The following CFAP61 variants were observed in gnomAD, a reference collection of about 807,000 sequenced individuals.
CFAP61 encodes cilia- and flagella-associated protein 61.
Under a neutral mutation model 135.6 loss-of-function variants are expected in CFAP61, and 107 were observed. That is an observed-to-expected ratio of 0.79 (90% CI 0.67 to 0.93). The LOEUF is 0.93. Among genes scored for constraint, CFAP61 ranks in the 40% least tolerant of loss-of-function variants. CFAP61 has a pLI of 0.00. For missense variants in CFAP61, 1,507 were observed against 1,556.2 expected, an observed-to-expected ratio of 0.97 and a Z score of 0.53; for synonymous variants, 575 against 578.5, an observed-to-expected ratio of 0.99 and a Z score of 0.09.
intron 18 of CFAP61, among the ~76,000 whole-genome samples, chr20:20,238,856 T>C (rs947839922): frequency 6.6e-6 from 1 of 152,204 alleles, no homozygotes; most frequent in African/African-American, 2.4e-5. Context: ...TGTTCCTCCC[T>C]TTGTATCCAC....
intron 21 of CFAP61, among the ~76,000 whole-genome samples, chr20:20,266,119 C>T (rs914493672): frequency 6.6e-6 from 1 of 152,204 alleles, no homozygotes; most frequent in East Asian, 1.9e-4. Flanking sequence ...AAACCATTGG[C>T]TTCTCTGGCA....
intron 24 of CFAP61, among the ~76,000 whole-genome samples, chr20:20,296,894 C>A (rs1330677365): frequency 6.6e-6 from 1 of 152,078 alleles, no homozygotes; most frequent in Non-Finnish European, 1.5e-5. Context: ...TTTTGGATAA[C>A]ATCTTAATAA....
At chr20:20,059,052 C>T (rs771327472) in intron 2 of CFAP61, among the ~76,000 whole-genome samples, 9 of 151,972 alleles carry the variant, frequency 5.9e-5, no homozygotes, top group Non-Finnish European at 1.2e-4. Context: ...TAAAGAAGGC[C>T]GGACACAGTG....
chr20:20,069,799 A>G (rs2146564774), intron 2 of CFAP61: 1 of 455,154 alleles, frequency 2.2e-6, no homozygotes, highest in East Asian at 7.0e-5. Context: ...TAAAAACATA[A>G]CTGGAAAGCC....
intron 17 of CFAP61, among the ~76,000 whole-genome samples, chr20:20,224,394 G>A (rs2048591128): frequency 6.6e-6 from 1 of 152,030 alleles, no homozygotes; most frequent in Non-Finnish European, 1.5e-5. Flanking sequence ...TTTCCTAACA[G>A]GAGTATCAAA....
intron 17 of CFAP61, among the ~76,000 whole-genome samples, chr20:20,218,439 G>C (rs1318068184): frequency 6.6e-6 from 1 of 152,128 alleles, no homozygotes; most frequent in Non-Finnish European, 1.5e-5. Flanking sequence ...TCTTTTATAA[G>C]TTACCCAGTC....
chr20:20,188,075 C>A lies in CFAP61; in HGVS notation c.1512+19C>A. On this transcript the variant is annotated intron_variant, in intron 14 of 26. Transcript: ENST00000245957. ...AGACCCTGTAAGTACCTGTTGTGAC[C>A]AGACCTCAGGATATGGGACCATTAT... 1 of 1,613,594 alleles carries A rather than the reference C, an allele frequency of 6.2e-7. No individual in the cohort carries two copies. The highest frequency in any genetic ancestry group is 8.5e-7 in the Non-Finnish European group (1 of 1,179,694).
intron 21 of CFAP61, among the ~76,000 whole-genome samples, chr20:20,273,041 A>T (rs1007558354): frequency 3.1e-5 from 4 of 127,358 alleles, no homozygotes; most frequent in Non-Finnish European, 6.5e-5. Flanking sequence ...GCCATGCTTA[A>T]TTTTTTTTTT....
intron 8 of CFAP61, among the ~76,000 whole-genome samples, chr20:20,109,561 T>C (rs2048653714): frequency 6.6e-6 from 1 of 152,152 alleles, no homozygotes; most frequent in African/African-American, 2.4e-5. Flanking sequence ...GTAGCCAGAA[T>C]AGACTTCAGC....
chr20:20,294,618 A>C (rs571837535), intron 24 of CFAP61, among the ~76,000 whole-genome samples: 88 of 152,310 alleles, frequency 5.8e-4, no homozygotes, highest in Non-Finnish European at 1.1e-3. Context: ...ATGATAATGC[A>C]GTCTTTACGT....
At chr20:20,258,839 C>T (rs1296289461) in intron 20 of CFAP61, among the ~76,000 whole-genome samples, 2 of 152,170 alleles carry the variant, frequency 1.3e-5, no homozygotes, top group Admixed American at 6.5e-5. Flanking sequence ...GAGGTCACTG[C>T]CATTGGCATC....
intron 22 of CFAP61, among the ~76,000 whole-genome samples, chr20:20,286,350 A>C (rs951827400): frequency 6.6e-6 from 1 of 152,204 alleles, no homozygotes; most frequent in Admixed American, 6.5e-5. Context: ...AGACTTTCCC[A>C]TCTTGTTGGC....
chr20:20,162,037 CAG>C (rs907991513), intron 10 of CFAP61, among the ~76,000 whole-genome samples: 9 of 152,128 alleles, frequency 5.9e-5, no homozygotes, highest in Admixed American at 2.0e-4. Context: ...CAGGTGTAGA[CAG>C]GGGCGTGTTC....
chr20:20,103,986 A>G (rs1041317480), intron 8 of CFAP61, among the ~76,000 whole-genome samples: 3 of 152,240 alleles, frequency 2.0e-5, no homozygotes, highest in Admixed American at 2.0e-4. Flanking sequence ...TCTGTTTTAA[A>G]AGACTCCTGC....
At chr20:20,105,308 G>T (rs1167362416) in intron 8 of CFAP61, among the ~76,000 whole-genome samples, 1 of 152,056 alleles carries the variant, frequency 6.6e-6, no homozygotes, top group Non-Finnish European at 1.5e-5. Context: ...CTGTGCCCTG[G>T]TCACCTCCAC....
At position 20,069,292 on chromosome 20, in the gene CFAP61, ATG is replaced by A. The variant is rs2045540761; in HGVS notation, c.144-1560_144-1559del. 2.6e-5 allele frequency among the ~76,000 whole-genome samples: 4 copies of A among 152,112 alleles called. No homozygotes were observed. In the South Asian group the frequency reaches 8.3e-4, roughly 32 times the overall value. On this transcript the variant is annotated intron_variant, in intron 2 of 26. Coordinates refer to ENST00000245957, the MANE Select transcript of CFAP61 (RefSeq NM_015585.4). ...TATTTTATTGTTATTTATTATTATT[ATG>A]TTTTGAGATGGATTCTCGCTCTGTT...
At chr20:20,077,351 A>G (rs919139832) in intron 6 of CFAP61, among the ~76,000 whole-genome samples, 3 of 152,250 alleles carry the variant, frequency 2.0e-5, no homozygotes, top group African/African-American at 4.8e-5. Flanking sequence ...CACTTTTGTG[A>G]TATACAAAAT....
intron 25 of CFAP61, among the ~76,000 whole-genome samples, chr20:20,327,791 A>C (rs1247907789): frequency 3.7e-5 from 3 of 80,272 alleles, no homozygotes; most frequent in African/African-American, 6.3e-5. Context: ...AAAAAAAAAA[A>C]AAAAAAAAAA....
At chr20:20,192,501 T>C (rs2055994442) in intron 15 of CFAP61, among the ~76,000 whole-genome samples, 1 of 152,056 alleles carries the variant, frequency 6.6e-6, no homozygotes, top group Non-Finnish European at 1.5e-5. Flanking sequence ...CTGAGTTCCC[T>C]GACATTTCAA....
Sources: gnomAD v4.1 joint callset for allele counts (sites outside exome capture counted in the v4.1 genomes callset) on GRCh38, gnomAD v4.1.1 for gene constraint, MANE v1.5 for transcripts, NCBI Gene and HGNC (gene_info 2026-07-23, HGNC 2026-07-21) for gene names.